SPG11: variants seen among roughly 807,000 people sequenced by gnomAD.
SPG11 encodes the protein SPG11 vesicle trafficking associated, spatacsin, also known as spatacsin.
A neutral mutation model predicts 274.0 loss-of-function variants in SPG11; 222 were observed. That is an observed-to-expected ratio of 0.81 (90% CI 0.73 to 0.91). The LOEUF (loss-of-function observed/expected upper bound fraction) is 0.91. Ranked by LOEUF, SPG11 falls within the 40% of genes least tolerant of loss-of-function variation. The pLI is 0.00. For synonymous variants in SPG11, 1,144 were observed against 1,039.7 expected, an observed-to-expected ratio of 1.10 and a Z score of -1.93; for missense variants, 3,114 against 2,872.7, an observed-to-expected ratio of 1.08 and a Z score of -1.92.
intron 8 of SPG11, among the ~76,000 whole-genome samples, chr15:44,632,472 G>A (rs1288663633): frequency 6.6e-6 from 1 of 151,234 alleles, no homozygotes; most frequent in Non-Finnish European, 1.5e-5. Flanking sequence ...CCAAAATCTT[G>A]AAAAGTGTTG....
chr15:44,633,685 A>C, intron 7 of SPG11, 48 bp from the exon 8 acceptor site: 1 of 1,584,516 alleles, frequency 6.3e-7, no homozygotes, highest in East Asian at 2.3e-5. Flanking sequence ...ACAATAGGAA[A>C]AAAAAATCAG....
chr15:44,626,451 G>A lies in SPG11; in HGVS notation c.2124C>T (p.Phe708=), dbSNP rs746219157. The change falls in exon 11 of 40, where the codon TTC becomes TTT. Residue 708 remains phenylalanine (F), a synonymous_variant. Transcript: ENST00000261866. The part of the protein sequence containing the change: ...NNKIPEAQTF[F]RIDSHSAQKL... ...TTTGAGCAGAATGACTATCAATCCT[G>A]AAGAAAGTCTGTGCCTCTGGTATTT... 1.2e-6 allele frequency: 2 copies of A among 1,613,992 alleles called. No individual in the cohort carries two copies. Among genetic ancestry groups the A allele is most frequent in the Non-Finnish European group, 1.7e-6 (2 of 1,179,970 alleles).
chr15:44,564,791 T>C, intron 38 of SPG11, 93 bp from the exon 39 acceptor site: 1 of 1,342,712 alleles, frequency 7.4e-7, no homozygotes, highest in Non-Finnish European at 1.1e-6. Context: ...GTATACTCAC[T>C]CATGTAGTGA....
chr15:44,633,400 G>T, intron 8 of SPG11, 105 bp downstream of exon 8: 2 of 404,024 alleles, frequency 5.0e-6, no homozygotes, highest in Non-Finnish European at 7.7e-6. Flanking sequence ...CCATGACTAA[G>T]TTTTGGCAAG....
chr15:44,628,815 T>A lies in SPG11; in HGVS notation c.1921A>T (p.Asn641Tyr), dbSNP rs978836956. Residue 641 changes from asparagine to tyrosine, a missense_variant, in exon 10 of 40, where the codon AAC becomes TAC. By Grantham distance (143) the Asn-to-Tyr change is moderately radical. Coordinates refer to ENST00000261866, the MANE Select transcript of SPG11 (RefSeq NM_025137.4). ...TCATTAATGTAGCTAGTCAAAATGTTCACTCCTTTTTGCAGATGTTCATCT... is the reference window on the plus strand; with the variant it reads ...TCATTAATGTAGCTAGTCAAAATGTACACTCCTTTTTGCAGATGTTCATCT... ...ELDEHLQKGV[N>Y]ILTSYINELR... The A allele has an allele frequency of 6.2e-7, 1 of 1,613,482 alleles. No homozygotes were observed. The highest frequency in any genetic ancestry group is 8.5e-7 in the Non-Finnish European group (1 of 1,179,968).
chr15:44,661,324 A>G (rs895974325), intron 1 of SPG11, among the ~76,000 whole-genome samples: 4 of 152,224 alleles, frequency 2.6e-5, no homozygotes, highest in African/African-American at 7.2e-5. Context: ...TTCAAATTAA[A>G]TATTAAAACT....
intron 1 of SPG11, among the ~76,000 whole-genome samples, chr15:44,662,026 GGTTCTCA>G (rs1032896452): frequency 2.6e-5 from 4 of 152,028 alleles, no homozygotes; most frequent in African/African-American, 9.7e-5. Context: ...TTCCCTGCTG[GGTTCTCA>G]AACACCTAAA....
rs567567669 is a variant in SPG11, at chr15:44,621,547, A to T, written c.2620+212T>A. The T allele has an allele frequency of 3.7e-5, 20 of 541,342 alleles. No homozygotes were observed. In the South Asian group the frequency reaches 4.0e-4, roughly 11 times the overall value. 33.5% of individuals were successfully genotyped at this position (541,342 alleles called of 1,614,324 possible). ...AAACTCAGCCTTGAAATCTCAATTAACTATTTTTTTCTTTTATTAGCACAT... is the reference window on the plus strand; with the variant it reads ...AAACTCAGCCTTGAAATCTCAATTATCTATTTTTTTCTTTTATTAGCACAT... On this transcript the variant is annotated intron_variant, in intron 14 of 39. Transcript: ENST00000261866.
intron 20 of SPG11, among the ~76,000 whole-genome samples, chr15:44,601,778 C>T (rs1034132681): frequency 6.6e-6 from 1 of 152,032 alleles, no homozygotes; most frequent in Non-Finnish European, 1.5e-5. Context: ...AGGCTGGTCT[C>T]GAACTCCTGG....
At chr15:44,574,582 A>G (rs1359758542) in intron 31 of SPG11, among the ~76,000 whole-genome samples, 2 of 152,128 alleles carry the variant, frequency 1.3e-5, no homozygotes, top group African/African-American at 4.8e-5. Flanking sequence ...ACACAATCAT[A>G]ATGCAAAACC....
intron 28 of SPG11, among the ~76,000 whole-genome samples, chr15:44,586,425 C>G (rs562422191): frequency 6.6e-6 from 1 of 151,808 alleles, no homozygotes; most frequent in Non-Finnish European, 1.5e-5. Context: ...GTGGGTGGAT[C>G]ACTTGAGGTC....
At chr15:44,564,754 A>G in intron 38 of SPG11, 56 bp from the exon 39 acceptor site, 1 of 1,589,552 alleles carries the variant, frequency 6.3e-7, no homozygotes, top group Non-Finnish European at 8.6e-7. Context: ...GTAAAATCAA[A>G]AACAAACTGT....
Position 44,608,431 on chromosome 15 carries a change from C to G in SPG11, c.3453+13G>C. The G allele has an allele frequency of 1.2e-6, 2 of 1,613,848 alleles. No homozygotes were observed. The highest frequency in any genetic ancestry group is 4.5e-5 in the East Asian group (2 of 44,868). Reference sequence around the variant, plus strand: ...TCTGATAGACCTAAATATTGGCCACCTAAATACTGTACCTGAATAAGGTGG... The same window carrying G: ...TCTGATAGACCTAAATATTGGCCACGTAAATACTGTACCTGAATAAGGTGG... On this transcript the variant is annotated intron_variant, in intron 19 of 39. Transcript: ENST00000261866.
intron 26 of SPG11, among the ~76,000 whole-genome samples, chr15:44,593,186 TTTA>T (rs771883146): frequency 1.3e-4 from 20 of 152,100 alleles, no homozygotes; most frequent in Non-Finnish European, 1.2e-4. Context: ...CTATGACACC[TTTA>T]TTATTATTTT....
In SPG11 at chr15:44,638,461, AAAAC is replaced by A. The variant is rs768509241; in HGVS notation, c.1603-4828_1603-4825del. Among the ~76,000 whole-genome samples the A allele has an allele frequency of 1.7e-3, 258 of 151,612 alleles. 1 individual carries two copies. Among genetic ancestry groups the A allele is most frequent in the East Asian group, 4.3e-3 (22 of 5,130 alleles). The stretch of plus-strand genomic sequence containing the variant: ...GGGCGACAGAGCAAGACTCCATCTC[AAAAC>A]AAACAAACAAACAAACAACAAAAAA... On this transcript the variant is annotated intron_variant, in intron 7 of 39. Transcript: ENST00000261866.
chr15:44,613,157 G>A (rs1479757221), intron 17 of SPG11, among the ~76,000 whole-genome samples: 2 of 152,220 alleles, frequency 1.3e-5, no homozygotes, highest in African/African-American at 4.8e-5. Context: ...TGACAAACTG[G>A]TGGGATAAGG....
chr15:44,644,120 TCG>T (rs1306140675), intron 7 of SPG11, among the ~76,000 whole-genome samples: 2 of 148,056 alleles, frequency 1.4e-5, no homozygotes, highest in Admixed American at 1.4e-4. Context: ...TGAGCCGAGA[TCG>T]CGCCACTGCA....
chr15:44,629,950 A>G (rs903154553), intron 8 of SPG11, among the ~76,000 whole-genome samples: 1 of 152,234 alleles, frequency 6.6e-6, no homozygotes, highest in African/African-American at 2.4e-5. Context: ...AGGTGCCTGT[A>G]ATCCCAGCTA....
At chr15:44,655,814 CA>C (rs768261308) in intron 4 of SPG11, among the ~76,000 whole-genome samples, 1 of 152,116 alleles carries the variant, frequency 6.6e-6, no homozygotes, top group Non-Finnish European at 1.5e-5. Context: ...CCTATGCATA[CA>C]TACCTATAAT....
Sources: gnomAD v4.1 joint callset for allele counts (sites outside exome capture counted in the v4.1 genomes callset) on GRCh38, gnomAD v4.1.1 for gene constraint, MANE v1.5 for transcripts, NCBI Gene and HGNC (gene_info 2026-07-23, HGNC 2026-07-21) for gene names.